Variants in AXDND1 observed in about 807,000 individuals in gnomAD.
The protein encoded by AXDND1 is axonemal dynein light chain domain containing 1.
AXDND1 carries 110 observed loss-of-function variants against 137.5 expected under a neutral mutation model. That is an observed-to-expected ratio of 0.80 (90% confidence interval 0.69 to 0.94). The LOEUF (loss-of-function observed/expected upper bound fraction) is 0.94, where lower values mean the gene tolerates loss of function less well. Among genes scored for constraint, AXDND1 ranks in the 40% least tolerant of loss-of-function variants. AXDND1 has a pLI of 0.00. For missense variants in AXDND1, 1,191 were observed against 1,169.8 expected (o/e 1.02, Z -0.26); for synonymous variants, 414 against 399.7 (o/e 1.04, Z -0.43).
intron 12 of AXDND1, 33 bp from the exon 13 acceptor site, chr1:179,429,485 T>C: frequency 8.6e-7 from 1 of 1,163,968 alleles, no homozygotes; most frequent in East Asian, 2.7e-5. Context: ...GCTAATGTTT[T>C]AGGTTCCTGA....
intron 18 of AXDND1, among the ~76,000 whole-genome samples, chr1:179,490,111 A>G (rs1381253438): frequency 6.6e-6 from 1 of 152,192 alleles, no homozygotes; most frequent in Non-Finnish European, 1.5e-5. Flanking sequence ...CTCCCTGATA[A>G]GTACTGTGTG....
At chr1:179,380,248 CA>C (rs200570828) in intron 6 of AXDND1, among the ~76,000 whole-genome samples, 7 of 134,122 alleles carry the variant, frequency 5.2e-5, no homozygotes, top group Admixed American at 7.6e-5. Flanking sequence ...GACTCCGTCT[CA>C]AAAAAAAAAT....
chr1:179,413,924 A>G (rs190606893), intron 12 of AXDND1, among the ~76,000 whole-genome samples: 3 of 151,928 alleles, frequency 2.0e-5, no homozygotes, highest in Admixed American at 1.3e-4. Flanking sequence ...TTACTTTTTA[A>G]TAATAGCCGT....
Position 179,449,219 on chromosome 1 carries a change from G to C in AXDND1, c.1798+4015G>C, listed in dbSNP as rs188994420. 2.0e-3 allele frequency: 847 copies of C among 418,664 alleles called. 4 individuals are homozygous for C. The highest frequency in any genetic ancestry group is 3.8e-3 in the South Asian group (224 of 58,446). The allele number at this position is 418,664 out of a possible 1,614,324, so 25.9% of individuals were successfully genotyped here. On this transcript the variant is annotated intron_variant, in intron 16 of 25. Coordinates refer to ENST00000367618, the MANE Select transcript of AXDND1 (RefSeq NM_144696.6). ...ATTTTTATATAGTGTGTGAGGTAAG[G>C]CTCTAATTTCATTCTTTTGCATGTG...
intron 25 of AXDND1, among the ~76,000 whole-genome samples, chr1:179,536,812 A>G (rs967315094): frequency 6.6e-5 from 10 of 152,120 alleles, no homozygotes; most frequent in Non-Finnish European, 1.3e-4. Context: ...CAGTATGGCC[A>G]TTTTCACGAT....
At chr1:179,384,307 G>A (rs1470845299) in intron 8 of AXDND1, among the ~76,000 whole-genome samples, 1 of 152,082 alleles carries the variant, frequency 6.6e-6, no homozygotes, top group Non-Finnish European at 1.5e-5. Context: ...GTGAGTTGGA[G>A]ACATCATGCC....
intron 22 of AXDND1, among the ~76,000 whole-genome samples, chr1:179,525,717 G>T (rs990041352): frequency 6.6e-6 from 1 of 152,010 alleles, no homozygotes; most frequent in Non-Finnish European, 1.5e-5. Flanking sequence ...GGCTGGTCTT[G>T]AACTGGTCTC....
Position 179,370,018 on chromosome 1 carries a change from T to A in AXDND1, c.314T>A (p.Val105Asp), listed in dbSNP as rs1290221447. ...RLVDHVWHHP[V>D]RRNKFKYLID... ...GTAGACCATGTCTGGCATCACCCTGTTCGAAGGAATAAATTCAAATACCTG... is the reference window on the plus strand; with the variant it reads ...GTAGACCATGTCTGGCATCACCCTGATCGAAGGAATAAATTCAAATACCTG... Residue 105 changes from valine (V) to aspartate (D), a missense_variant, in exon 4 of 26, where the codon GTT becomes GAT. Val to Asp is a radical substitution (Grantham distance 152). Transcript: ENST00000367618. 1.2e-6 allele frequency: 2 copies of A among 1,614,088 alleles called. No homozygotes were observed. The highest frequency in any genetic ancestry group is 2.2e-5 in the South Asian group (2 of 91,056).
intron 12 of AXDND1, among the ~76,000 whole-genome samples, chr1:179,425,214 T>G (rs1656374953): frequency 1.3e-5 from 2 of 152,250 alleles, no homozygotes; most frequent in South Asian, 4.1e-4. Flanking sequence ...TGCTGCCTCC[T>G]TTTCAGCACT....
At chr1:179,443,610 A>C (rs1344068169) in intron 15 of AXDND1, among the ~76,000 whole-genome samples, 1 of 152,132 alleles carries the variant, frequency 6.6e-6, no homozygotes, top group African/African-American at 2.4e-5. Flanking sequence ...TCTGTTTATG[A>C]ATGTGACTAC....
At position 179,445,013 on chromosome 1, in the gene AXDND1, T is replaced by G; in HGVS notation, c.1607T>G (p.Leu536Arg). The change falls in exon 16 of 26, where the codon CTG (leucine) becomes CGG (arginine). Residue 536 changes from leucine (L) to arginine (R), a missense_variant. Physicochemically the swap from Leu to Arg is moderately radical, Grantham distance 102. Transcript: ENST00000367618. Reference sequence around the variant, plus strand: ...GAAGAGTTTACTGGGGATGTTCTACTGTCAAAATACGATACTCTCAAGATT... The same window carrying G: ...GAAGAGTTTACTGGGGATGTTCTACGGTCAAAATACGATACTCTCAAGATT... ...KKEEFTGDVLLSKYDTLKIIK... is the reference protein window; with the variant it reads ...KKEEFTGDVLRSKYDTLKIIK... 6.2e-7 allele frequency: 1 copy of G among 1,612,570 alleles called. No homozygotes were observed. Among genetic ancestry groups the G allele is most frequent in the Non-Finnish European group, 8.5e-7 (1 of 1,178,848 alleles).
intron 25 of AXDND1, among the ~76,000 whole-genome samples, chr1:179,539,281 G>A (rs1671877519): frequency 6.6e-6 from 1 of 152,176 alleles, no homozygotes; most frequent in Non-Finnish European, 1.5e-5. Context: ...TTTCTTCATA[G>A]TGTCGATGGT....
chr1:179,427,638 ATAT>A (rs1191859390), intron 12 of AXDND1, among the ~76,000 whole-genome samples: 2 of 152,170 alleles, frequency 1.3e-5, no homozygotes, highest in Non-Finnish European at 2.9e-5. Flanking sequence ...AATTACCATG[ATAT>A]TATTTTTAAA....
At position 179,551,067 on chromosome 1, in the gene AXDND1, A is replaced by G. The variant is rs578161646; in HGVS notation, c.3032-3445A>G. 5.7e-6 allele frequency: 8 copies of G among 1,407,682 alleles called. No individual in the cohort carries two copies. The South Asian group carries it at 7.1e-5, about 12-fold the overall frequency. 87.2% of individuals were successfully genotyped at this position (1,407,682 alleles called of 1,614,324 possible). The stretch of plus-strand genomic sequence containing the variant: ...ACTTCGTGCATTCCATGGCCATTCC[A>G]TATGGCAACCAAAGGAAGGGCAGGG... On this transcript the variant is annotated intron_variant, in intron 25 of 25. Transcript: ENST00000367618.
rs149119239 is a variant in AXDND1 at position 179,486,139 on chromosome 1, A to AAAAAAAAAAACT, written c.2091+2920_2091+2921insAAAAAAAACTAA. On this transcript the variant is annotated intron_variant, in intron 18 of 25. Transcript: ENST00000367618. ...TGTCTCAAAAAAAAAAAAAAAAAAA[A>AAAAAAAAAAACT]AACCTGATAGAAATGAAAAACACAC... Among the ~76,000 whole-genome samples, 15 of 87,798 alleles carry AAAAAAAAAAACT rather than the reference A, an allele frequency of 1.7e-4. 1 individual carries two copies. Among genetic ancestry groups the AAAAAAAAAAACT allele is most frequent in the South Asian group, 1.0e-3 (2 of 1,926 alleles). 57.6% of individuals were successfully genotyped at this position (87,798 alleles called of 152,430 possible). A position where few individuals can be genotyped will look rare whatever the true frequency, so the allele number is the denominator to read the frequency against.
intron 16 of AXDND1, among the ~76,000 whole-genome samples, chr1:179,458,996 A>G (rs1661821185): frequency 6.6e-6 from 1 of 152,174 alleles, no homozygotes; most frequent in East Asian, 1.9e-4. Context: ...ATCTGGAACT[A>G]TAGGAAAAAA....
chr1:179,488,634 C>CTCTCTTT lies in AXDND1; in HGVS notation c.2092-2904_2092-2903insTCTCTTT, dbSNP rs376189496. Among the ~76,000 whole-genome samples, 17 of 105,254 alleles carry CTCTCTTT rather than the reference C, an allele frequency of 1.6e-4. 2 individuals are homozygous for CTCTCTTT. Among genetic ancestry groups the CTCTCTTT allele is most frequent in the African/African-American group, 5.5e-4 (14 of 25,654 alleles). The allele number at this position is 105,254 out of a possible 152,430, so 69.1% of individuals were successfully genotyped here. The stretch of plus-strand genomic sequence containing the variant: ...TTTCTTTCTTTCTCTCTCTCTCTCT[C>CTCTCTTT]CTTTCTTTCTTTCTTTCTTTCTTTC... On this transcript the variant is annotated intron_variant, in intron 18 of 25. Coordinates refer to ENST00000367618, the MANE Select transcript of AXDND1 (RefSeq NM_144696.6).
At chr1:179,477,736 A>G (rs142704033) in intron 17 of AXDND1, among the ~76,000 whole-genome samples, 4 of 152,172 alleles carry the variant, frequency 2.6e-5, no homozygotes, top group African/African-American at 7.2e-5. Context: ...CATGCCTTCC[A>G]AACAGTCCCC....
At chr1:179,502,920 A>AC (rs1668157190) in intron 20 of AXDND1, among the ~76,000 whole-genome samples, 1 of 151,488 alleles carries the variant, frequency 6.6e-6, no homozygotes, top group Non-Finnish European at 1.5e-5. Flanking sequence ...ACATGGAGAG[A>AC]CCCCGTCTCT....
Sources: allele counts gnomAD v4.1 joint callset (sites outside exome capture counted in the v4.1 genomes callset), GRCh38; gene constraint gnomAD v4.1.1; transcripts MANE v1.5; gene names NCBI Gene and HGNC (gene_info 2026-07-23, HGNC 2026-07-21).